FER: variants seen among roughly 807,000 people sequenced by gnomAD.
FER encodes the protein FER tyrosine kinase.
In FER, 63 loss-of-function variants were observed where a neutral mutation model predicts 111.0. That is an observed-to-expected ratio of 0.57 (90% CI 0.46 to 0.70). The LOEUF (loss-of-function observed/expected upper bound fraction) is 0.70, where lower values mean the gene tolerates loss of function less well. Among genes scored for constraint, FER ranks in the 30% least tolerant of loss-of-function variants. FER has a pLI of 0.00. For synonymous variants in FER, 327 were observed against 313.9 expected (o/e 1.04, Z -0.44); for missense variants, 914 against 954.0 (o/e 0.96, Z 0.55).
chr5:109,028,871 A>G (rs145972881), intron 13 of FER, among the ~76,000 whole-genome samples: 61 of 152,228 alleles, frequency 4.0e-4, no homozygotes, highest in African/African-American at 1.3e-3. Flanking sequence ...TTGGAGTCCA[A>G]AGTTCTTACC....
At chr5:109,127,025 A>G (rs537972207) in intron 17 of FER, among the ~76,000 whole-genome samples, 2 of 152,324 alleles carry the variant, frequency 1.3e-5, no homozygotes, top group African/African-American at 4.8e-5. Flanking sequence ...TTAGCCTTTC[A>G]TGAAATCACG....
intron 17 of FER, among the ~76,000 whole-genome samples, chr5:109,135,610 G>A (rs1752804022): frequency 6.6e-6 from 1 of 152,030 alleles, no homozygotes; most frequent in African/African-American, 2.4e-5. Flanking sequence ...CAAGACTTTT[G>A]GGGGCAATAG....
chr5:108,885,102 T>C (rs964285239), intron 9 of FER, among the ~76,000 whole-genome samples: 3 of 151,962 alleles, frequency 2.0e-5, no homozygotes, highest in Non-Finnish European at 4.4e-5. Context: ...CTGAACTTTT[T>C]CCCTAAGTGA....
intron 10 of FER, among the ~76,000 whole-genome samples, chr5:108,907,914 G>A (rs4604227): frequency 0.44 from 66,163 of 151,826 alleles, 16,452 homozygotes; most frequent in African/African-American, 0.69. Flanking sequence ...AAAATTGAGA[G>A]TACTGGAATA....
chr5:108,893,597 A>G (rs908794281), intron 9 of FER, among the ~76,000 whole-genome samples: 2 of 152,142 alleles, frequency 1.3e-5, no homozygotes, highest in African/African-American at 4.8e-5. Context: ...GGAAACAACA[A>G]CAATAAGAAC....
chr5:109,131,030 C>G (rs956894453), intron 17 of FER, among the ~76,000 whole-genome samples: 1 of 152,086 alleles, frequency 6.6e-6, no homozygotes, highest in African/African-American at 2.4e-5. Flanking sequence ...ATGTTTTATT[C>G]AGCTTTATAT....
At chr5:109,051,515 C>G (rs1772818671) in intron 16 of FER, 5 of 1,600,804 alleles carry the variant, frequency 3.1e-6, no homozygotes, top group Admixed American at 3.4e-5. Flanking sequence ...CGATTTTGTT[C>G]TGCACTGTAA....
intron 14 of FER, among the ~76,000 whole-genome samples, chr5:109,039,214 T>G (rs1006798385): frequency 1.4e-4 from 13 of 95,808 alleles, no homozygotes; most frequent in African/African-American, 4.1e-4. Flanking sequence ...ACGCTGAGGG[T>G]TTTTTTTTTT....
At chr5:109,038,170 T>C (rs1770658230) in intron 14 of FER, among the ~76,000 whole-genome samples, 1 of 151,958 alleles carries the variant, frequency 6.6e-6, no homozygotes, top group Non-Finnish European at 1.5e-5. Flanking sequence ...AATTTATTAA[T>C]AACTTTTATT....
chr5:108,805,260 A>G (rs1266429227), intron 3 of FER, among the ~76,000 whole-genome samples: 3 of 152,122 alleles, frequency 2.0e-5, no homozygotes, highest in African/African-American at 7.2e-5. Context: ...TCATCCACAT[A>G]AGACGTGATT....
At chr5:109,111,800 C>T (rs1459049206) in intron 17 of FER, among the ~76,000 whole-genome samples, 3 of 152,040 alleles carry the variant, frequency 2.0e-5, no homozygotes, top group Admixed American at 2.0e-4. Context: ...TGGGGAAAAC[C>T]ACCCCCATGA....
At chr5:109,120,221 G>T (rs927170953) in intron 17 of FER, among the ~76,000 whole-genome samples, 1 of 152,020 alleles carries the variant, frequency 6.6e-6, no homozygotes. Context: ...TTCTTTTAGC[G>T]GTTTCACAGA....
chr5:108,927,250 CTCTTTT>C (rs1407290077), intron 10 of FER, among the ~76,000 whole-genome samples: 1 of 95,374 alleles, frequency 1.0e-5, no homozygotes, highest in Non-Finnish European at 2.0e-5. Flanking sequence ...TGAGAAGTGG[CTCTTTT>C]TTTTTTTTTT....
chr5:109,093,960 GGATAA>G (rs1561886079), intron 16 of FER, among the ~76,000 whole-genome samples: 1 of 151,920 alleles, frequency 6.6e-6, no homozygotes, highest in East Asian at 1.9e-4. Context: ...ACTTTGAGAG[GGATAA>G]GAAGCCAAAA....
intron 13 of FER, among the ~76,000 whole-genome samples, chr5:108,969,616 T>TTTTTTTTTTTTTTTTTTTTTTTTTGA (rs1561695264): frequency 3.4e-5 from 5 of 149,048 alleles, no homozygotes; most frequent in African/African-American, 1.3e-4. Context: ...TTAATTTTTT[T>TTTTTTTTTTTTTTTTTTTTTTTTTGA]GAACACTGTG....
In FER at chr5:108,942,620, A is replaced by G. The variant is rs58647202; in HGVS notation, c.1237-3510A>G. Among the ~76,000 whole-genome samples the G allele has an allele frequency of 3.8e-3, 573 of 152,296 alleles. 4 individuals are homozygous for G. The highest frequency in any genetic ancestry group is 0.013 in the African/African-American group (543 of 41,568). On this transcript the variant is annotated intron_variant, in intron 10 of 19. Transcript: ENST00000281092. ...ACTGAAATTCTGTATCCTGATGGGA[A>G]TAGAAGCTATCTATCTTTCATTGTG...
intron 14 of FER, 89 bp from the exon 15 acceptor site, chr5:109,044,591 C>G: frequency 1.6e-6 from 1 of 622,908 alleles, no homozygotes; most frequent in Non-Finnish European, 2.8e-6. Flanking sequence ...TAGGTAAGCA[C>G]CTCCTCCTCT....
At chr5:108,977,747 CT>C (rs1158259259) in intron 13 of FER, among the ~76,000 whole-genome samples, 1 of 152,180 alleles carries the variant, frequency 6.6e-6, no homozygotes, top group Non-Finnish European at 1.5e-5. Context: ...CTCATAATGG[CT>C]TTCAGATTTG....
chr5:108,879,708 A>G (rs1765485160), intron 8 of FER, among the ~76,000 whole-genome samples: 1 of 136,814 alleles, frequency 7.3e-6, no homozygotes, highest in Admixed American at 7.3e-5. Flanking sequence ...AAAAATATAT[A>G]TATATATATA....
Sources: gnomAD v4.1 joint callset for allele counts (sites outside exome capture counted in the v4.1 genomes callset) on GRCh38, gnomAD v4.1.1 for gene constraint, MANE v1.5 for transcripts, NCBI Gene and HGNC (gene_info 2026-07-23, HGNC 2026-07-21) for gene names.